The following DPP6 variants were observed in gnomAD, a reference collection of about 807,000 sequenced individuals.
The protein encoded by DPP6 is dipeptidyl peptidase like 6, also known as A-type potassium channel modulatory protein DPP6.
A neutral mutation model predicts 122.6 loss-of-function variants in DPP6; 69 were observed. The ratio of observed to expected loss-of-function variants is 0.56; its 90% confidence interval spans 0.46 to 0.69. DPP6 has a LOEUF of 0.69. Ranked by LOEUF, DPP6 falls within the 30% of genes least tolerant of loss-of-function variation. The pLI, the probability that DPP6 is intolerant of heterozygous loss-of-function variation, is 0.00. For missense variants in DPP6, 928 were observed against 1,116.9 expected (o/e 0.83, Z 2.41); for synonymous variants, 418 against 433.1 (o/e 0.97, Z 0.43).
At chr7:154,525,198 C>T (rs547082610) in intron 3 of DPP6, among the ~76,000 whole-genome samples, 7 of 152,206 alleles carry the variant, frequency 4.6e-5, no homozygotes, top group African/African-American at 9.7e-5. Context: ...AGCTGGAGTG[C>T]GGTGGCACAA....
At chr7:153,933,921 G>T (rs962941678) in intron 1 of DPP6, among the ~76,000 whole-genome samples, 1 of 152,214 alleles carries the variant, frequency 6.6e-6, no homozygotes, top group Non-Finnish European at 1.5e-5. Flanking sequence ...ATCATGTATC[G>T]TGGATCGCGT....
intron 1 of DPP6, among the ~76,000 whole-genome samples, chr7:154,090,868 C>G (rs1804756582): frequency 6.7e-6 from 1 of 149,630 alleles, no homozygotes; most frequent in East Asian, 1.9e-4. Context: ...TGCCTGTAAT[C>G]CCAGCACTTT....
At chr7:154,474,049 A>G (rs1822517176) in intron 2 of DPP6, among the ~76,000 whole-genome samples, 1 of 152,224 alleles carries the variant, frequency 6.6e-6, no homozygotes, top group Admixed American at 6.5e-5. Context: ...AAGTCAATAT[A>G]CAGAGGAGTT....
chr7:153,998,025 C>T (rs909109521), intron 1 of DPP6, among the ~76,000 whole-genome samples: 16 of 151,280 alleles, frequency 1.1e-4, no homozygotes, highest in African/African-American at 2.0e-4. Flanking sequence ...GATGTCTCCA[C>T]GAAGGTGACA....
At chr7:154,273,010 C>A (rs778511437) in intron 1 of DPP6, among the ~76,000 whole-genome samples, 2 of 152,118 alleles carry the variant, frequency 1.3e-5, no homozygotes, top group Non-Finnish European at 2.9e-5. Context: ...CATTTTGTTC[C>A]CACTGGAGTC....
At chr7:154,682,273 A>C (rs1354991276) in intron 7 of DPP6, among the ~76,000 whole-genome samples, 1 of 152,266 alleles carries the variant, frequency 6.6e-6, no homozygotes, top group Non-Finnish European at 1.5e-5. Flanking sequence ...AAAGGAAGAT[A>C]GAGAGTGCTC....
chr7:153,790,424 CAT>C, the DPP6 span, among the ~76,000 whole-genome samples: 1 of 152,140 alleles, frequency 6.6e-6, no homozygotes, highest in Non-Finnish European at 1.5e-5. Flanking sequence ...AATTATATGA[CAT>C]GTTTTTAAAA....
intron 1 of DPP6, chr7:154,305,025 CCCCA>C (rs1806176228): frequency 1.4e-4 from 1 of 7,008 alleles, no homozygotes; most frequent in Non-Finnish European, 3.2e-4. Context: ...CCCTCCCCAG[CCCCA>C]GCCCCAGCCC....
chr7:154,446,189 T>G, intron 1 of DPP6, 25 bp from the exon 2 acceptor site: 1 of 1,478,758 alleles, frequency 6.8e-7, no homozygotes, highest in Non-Finnish European at 9.3e-7. Context: ...CTCACTGGGG[T>G]TTTCTTTGTT....
chr7:154,180,591 ATTATT>A (rs1025685006), intron 1 of DPP6, among the ~76,000 whole-genome samples: 9 of 148,916 alleles, frequency 6.0e-5, no homozygotes, highest in Admixed American at 4.7e-4. Context: ...AGTTTATATT[ATTATT>A]TTTAAGATTT....
intron 1 of DPP6, among the ~76,000 whole-genome samples, chr7:154,236,532 T>C (rs1801224258): frequency 6.6e-6 from 1 of 152,206 alleles, no homozygotes; most frequent in African/African-American, 2.4e-5. Flanking sequence ...AAGATTCTCT[T>C]CATTCTTTTG....
intron 1 of DPP6, among the ~76,000 whole-genome samples, chr7:154,240,902 T>G (rs2150873151): frequency 6.6e-6 from 1 of 152,318 alleles, no homozygotes; most frequent in African/African-American, 2.4e-5. Context: ...TGAGCAATAC[T>G]TCCACCTTGA....
At chr7:153,966,554 C>CTTTTTTTTTTTTTTTTTTTTT (rs753840054) in intron 1 of DPP6, among the ~76,000 whole-genome samples, 1 of 41,364 alleles carries the variant, frequency 2.4e-5, no homozygotes. Context: ...CCTGTGTTGG[C>CTTTTTTTTTTTTTTTTTTTTT]TTTTTTTTTT....
intron 16 of DPP6, among the ~76,000 whole-genome samples, chr7:154,847,461 T>G (rs1440319944): frequency 6.6e-6 from 1 of 152,198 alleles, no homozygotes; most frequent in Non-Finnish European, 1.5e-5. Context: ...TGTTTTTTTT[T>G]GTACTCAACA....
At chr7:154,249,751 G>T (rs73489310) in intron 1 of DPP6, among the ~76,000 whole-genome samples, 11 of 152,202 alleles carry the variant, frequency 7.2e-5, no homozygotes, top group African/African-American at 2.4e-4. Flanking sequence ...ATACACATAT[G>T]CACACAATCT....
intron 4 of DPP6, among the ~76,000 whole-genome samples, chr7:154,560,877 C>T (rs1175517572): frequency 2.9e-5 from 4 of 137,408 alleles, no homozygotes; most frequent in South Asian, 4.9e-4. Context: ...AGTGAGACTC[C>T]GTCTTAAAAA....
At chr7:153,995,163 T>C (rs1450598913) in intron 1 of DPP6, among the ~76,000 whole-genome samples, 1 of 152,172 alleles carries the variant, frequency 6.6e-6, no homozygotes, top group African/African-American at 2.4e-5. Context: ...AGCTTCCTAA[T>C]AGCCATGGCA....
At position 154,201,679 on chromosome 7, in the gene DPP6, G is replaced by A. The variant is rs114512420; in HGVS notation, c.243+148616G>A. ...TCTAGTGTATGTGTAAGGTACAGCT[G>A]CAGATAGATCCATAGGAAACAGGGA... On this transcript the variant is annotated intron_variant, in intron 1 of 25. Coordinates refer to ENST00000377770, the MANE Select transcript of DPP6 (RefSeq NM_130797.4). 7.0e-3 allele frequency among the ~76,000 whole-genome samples: 1,066 copies of A among 152,250 alleles called. 14 individuals carry two copies. Among genetic ancestry groups the A allele is most frequent in the African/African-American group, 0.024 (1,013 of 41,534 alleles).
chr7:153,810,382 G>A, the DPP6 span, among the ~76,000 whole-genome samples: 1 of 152,072 alleles, frequency 6.6e-6, no homozygotes, highest in African/African-American at 2.4e-5. Flanking sequence ...TACTAGACAG[G>A]AATAAACCTT....
Sources: gnomAD v4.1 joint callset for allele counts (sites outside exome capture counted in the v4.1 genomes callset) on GRCh38, gnomAD v4.1.1 for gene constraint, MANE v1.5 for transcripts, NCBI Gene and HGNC (gene_info 2026-07-23, HGNC 2026-07-21) for gene names.